PJA2: variants seen among roughly 807,000 people sequenced by gnomAD.
PJA2 encodes the protein praja ring finger ubiquitin ligase 2.
In PJA2, 25 loss-of-function variants were observed where a neutral mutation model predicts 69.3. That is an observed-to-expected ratio of 0.36 (90% CI 0.26 to 0.50). The LOEUF is 0.50. PJA2 is among the 20% of genes least tolerant of loss of function. PJA2 has a pLI of 0.96. For missense variants in PJA2, 809 were observed against 830.2 expected (o/e 0.97, Z 0.31); for synonymous variants, 308 against 277.8 (o/e 1.11, Z -1.08).
Position 109,339,428 on chromosome 5 carries a change from C to T in PJA2, c.2002-2072G>A, listed in dbSNP as rs538529327. The stretch of plus-strand genomic sequence containing the variant: ...ATGTAACAAAGTTGCACATGTACCC[C>T]ACAGATTTATGCAAATAAAAAAGAA... On this transcript the variant is annotated intron_variant, in intron 9 of 9. Coordinates refer to ENST00000361189, the MANE Select transcript of PJA2 (RefSeq NM_014819.5). 4.6e-5 allele frequency among the ~76,000 whole-genome samples: 7 copies of T among 152,168 alleles called. No homozygotes were observed. The South Asian group carries it at 1.5e-3, about 32-fold the overall frequency.
intron 9 of PJA2, among the ~76,000 whole-genome samples, chr5:109,342,439 C>G (rs1762087489): frequency 6.5e-5 from 9 of 137,648 alleles, no homozygotes; most frequent in Admixed American, 6.2e-4. Flanking sequence ...ATGTCGGCCC[C>G]CCGCCCGGCC....
intron 4 of PJA2, among the ~76,000 whole-genome samples, chr5:109,373,060 C>T (rs533223110): frequency 1.3e-5 from 2 of 152,148 alleles, no homozygotes; most frequent in Admixed American, 1.3e-4. Flanking sequence ...CACCGCTGCA[C>T]TCCAGCCTAG....
At chr5:109,352,010 C>G (rs1465131265) in intron 7 of PJA2, among the ~76,000 whole-genome samples, 2 of 152,062 alleles carry the variant, frequency 1.3e-5, no homozygotes, top group African/African-American at 4.8e-5. Flanking sequence ...ACATCTCAAT[C>G]AAATTCAAAT....
intron 1 of PJA2, among the ~76,000 whole-genome samples, chr5:109,405,381 T>A (rs914785400): frequency 6.6e-6 from 1 of 152,190 alleles, no homozygotes; most frequent in African/African-American, 2.4e-5. Flanking sequence ...CAAACCAAAT[T>A]AAAATCCCTT....
At chr5:109,353,857 AT>A in intron 7 of PJA2, among the ~76,000 whole-genome samples, 1 of 39,668 alleles carries the variant, frequency 2.5e-5, no homozygotes, top group African/African-American at 7.1e-5. Context: ...TTAGATGTCT[AT>A]GATATCTAGA....
At chr5:109,344,921 T>C (rs745358136) in intron 7 of PJA2, 102 bp from the exon 8 acceptor site, 17 of 700,542 alleles carry the variant, frequency 2.4e-5, no homozygotes, top group Non-Finnish European at 4.0e-5. Flanking sequence ...TTATTCTCTT[T>C]TTGTTAGTTT....
intron 1 of PJA2, among the ~76,000 whole-genome samples, chr5:109,401,005 A>G (rs1473022226): frequency 1.3e-5 from 2 of 151,424 alleles, no homozygotes; most frequent in African/African-American, 2.4e-5. Context: ...CAAAACAACA[A>G]CAACAAAAAA....
intron 6 of PJA2, among the ~76,000 whole-genome samples, chr5:109,357,031 C>G (rs1022070512): frequency 6.6e-6 from 1 of 151,990 alleles, no homozygotes; most frequent in African/African-American, 2.4e-5. Context: ...AATCTTGCTC[C>G]CTTGGAAATT....
chr5:109,374,169 T>C (rs76666902), intron 4 of PJA2, among the ~76,000 whole-genome samples: 2,604 of 152,324 alleles, frequency 0.017, 80 homozygotes, highest in African/African-American at 0.059. Context: ...GATTTTTGCA[T>C]TGTGCCTGCT....
intron 7 of PJA2, among the ~76,000 whole-genome samples, chr5:109,353,766 A>ATTAGATATCTAT: frequency 2.3e-5 from 3 of 131,794 alleles, no homozygotes; most frequent in African/African-American, 8.4e-5. Context: ...TGATATCTAG[A>ATTAGATATCTAT]GATATCTATA....
chr5:109,376,401 C>T (rs1455800283), intron 4 of PJA2, among the ~76,000 whole-genome samples: 1 of 151,946 alleles, frequency 6.6e-6, no homozygotes, highest in Non-Finnish European at 1.5e-5. Context: ...AAAGAATACA[C>T]TTCCACCACT....
At chr5:109,404,915 C>T (rs1184551434) in intron 1 of PJA2, among the ~76,000 whole-genome samples, 1 of 152,176 alleles carries the variant, frequency 6.6e-6, no homozygotes. Context: ...TTCACCACTG[C>T]TATTCAACAT....
chr5:109,354,213 T>G (rs111217385), intron 7 of PJA2, among the ~76,000 whole-genome samples: 73 of 66,966 alleles, frequency 1.1e-3, no homozygotes, highest in Non-Finnish European at 2.7e-3. Context: ...TATCTATAGA[T>G]TAGATATCTA....
At chr5:109,344,665 C>G (rs372141269) in intron 8 of PJA2, 40 bp downstream of exon 8, 1 of 1,302,122 alleles carries the variant, frequency 7.7e-7, no homozygotes, top group East Asian at 2.3e-5. Context: ...CTTAAATGTA[C>G]AATGTGTTCT....
intron 1 of PJA2, among the ~76,000 whole-genome samples, chr5:109,398,674 G>GT (rs1420964115): frequency 6.6e-6 from 1 of 151,342 alleles, no homozygotes; most frequent in Non-Finnish European, 1.5e-5. Flanking sequence ...TATACCTAAT[G>GT]TAAATGACGA....
chr5:109,385,890 A>G (rs1299390339), intron 1 of PJA2, among the ~76,000 whole-genome samples: 4 of 152,182 alleles, frequency 2.6e-5, no homozygotes, highest in Non-Finnish European at 5.9e-5. Flanking sequence ...TGTTTCCTAC[A>G]CATCTTACAC....
chr5:109,353,653 G>C (rs953671549), intron 7 of PJA2, among the ~76,000 whole-genome samples: 3 of 145,196 alleles, frequency 2.1e-5, no homozygotes, highest in Non-Finnish European at 4.6e-5. Context: ...CTATATATTA[G>C]ATACCTATTA....
At chr5:109,374,079 C>A (rs776200016) in intron 4 of PJA2, among the ~76,000 whole-genome samples, 1 of 152,170 alleles carries the variant, frequency 6.6e-6, no homozygotes, top group Non-Finnish European at 1.5e-5. Flanking sequence ...ACTATTAACA[C>A]TGAACTGTAA....
chr5:109,393,751 T>C (rs549000157), intron 1 of PJA2, among the ~76,000 whole-genome samples: 2 of 152,122 alleles, frequency 1.3e-5, no homozygotes, highest in Admixed American at 6.5e-5. Flanking sequence ...AATATATTTG[T>C]AGGCAGAATA....
Sources: gnomAD v4.1 joint callset for allele counts (sites outside exome capture counted in the v4.1 genomes callset) on GRCh38, gnomAD v4.1.1 for gene constraint, MANE v1.5 for transcripts, NCBI Gene and HGNC (gene_info 2026-07-23, HGNC 2026-07-21) for gene names.